BLVRA: variants seen among roughly 807,000 people sequenced by gnomAD.
BLVRA encodes the protein BVR A.
A neutral mutation model predicts 32.8 loss-of-function variants in BLVRA; 22 were observed. That is an observed-to-expected ratio of 0.67 (90% CI 0.48 to 0.96). The LOEUF (loss-of-function observed/expected upper bound fraction) is 0.96, where lower values mean the gene tolerates loss of function less well. Ranked by LOEUF, BLVRA falls within the 40% of genes least tolerant of loss-of-function variation. The pLI is 0.00. For synonymous variants in BLVRA, 119 were observed against 141.3 expected (o/e 0.84, Z 1.12); for missense variants, 323 against 358.1 (o/e 0.90, Z 0.79).
intron 5 of BLVRA, among the ~76,000 whole-genome samples, chr7:43,793,769 G>A (rs1177700500): frequency 2.0e-5 from 3 of 151,574 alleles, no homozygotes; most frequent in Admixed American, 6.6e-5. Flanking sequence ...GATTACAGGC[G>A]CCCACCACCA....
At chr7:43,798,061 G>A (rs561866548) in intron 5 of BLVRA, among the ~76,000 whole-genome samples, 1 of 151,846 alleles carries the variant, frequency 6.6e-6, no homozygotes, top group Admixed American at 6.6e-5. Flanking sequence ...CAGGCATGAT[G>A]TGGGCACCTG....
At chr7:43,801,147 G>A (rs1194573568) in intron 6 of BLVRA, among the ~76,000 whole-genome samples, 1 of 152,056 alleles carries the variant, frequency 6.6e-6, no homozygotes, top group Admixed American at 6.6e-5. Flanking sequence ...ACACAGATGT[G>A]CGCCACAATA....
intron 4 of BLVRA, among the ~76,000 whole-genome samples, chr7:43,792,297 T>A (rs2095787022): frequency 1.3e-5 from 2 of 152,246 alleles, no homozygotes; most frequent in Admixed American, 1.3e-4. Context: ...CTGCTCATAC[T>A]TTGAGACCCA....
chr7:43,773,262 A>G (rs1037570745), intron 2 of BLVRA, among the ~76,000 whole-genome samples: 1 of 152,036 alleles, frequency 6.6e-6, no homozygotes, highest in Non-Finnish European at 1.5e-5. Context: ...AACATTAGGT[A>G]TATCTCCTAA....
intron 2 of BLVRA, among the ~76,000 whole-genome samples, chr7:43,781,616 G>A (rs533622019): frequency 1.3e-5 from 2 of 152,304 alleles, no homozygotes; most frequent in South Asian, 4.1e-4. Flanking sequence ...TGGGATTACA[G>A]GCATGAGCCA....
chr7:43,777,503 G>C (rs1283128902), intron 2 of BLVRA, among the ~76,000 whole-genome samples: 14 of 145,986 alleles, frequency 9.6e-5, no homozygotes, highest in Admixed American at 7.0e-5. Flanking sequence ...AGTTTCTGCC[G>C]AGAGATCCGC....
intron 5 of BLVRA, among the ~76,000 whole-genome samples, chr7:43,796,121 C>CAAAAA (rs371922009): frequency 8.8e-4 from 56 of 63,754 alleles, no homozygotes; most frequent in Middle Eastern, 8.1e-3. Flanking sequence ...CTCTGTCTCA[C>CAAAAA]AAAAAAAAAA....
At chr7:43,763,365 C>T (rs930820142) in intron 1 of BLVRA, among the ~76,000 whole-genome samples, 7 of 152,110 alleles carry the variant, frequency 4.6e-5, no homozygotes, top group African/African-American at 1.7e-4. Flanking sequence ...TGTTTCTTGC[C>T]TGCCGATCTC....
At chr7:43,805,461 T>C (rs1299719423) in intron 7 of BLVRA, among the ~76,000 whole-genome samples, 1 of 151,946 alleles carries the variant, frequency 6.6e-6, no homozygotes, top group Non-Finnish European at 1.5e-5. Context: ...TTTTGTATTG[T>C]TAGTAGAGAC....
At chr7:43,789,793 T>G (rs2095783208) in intron 3 of BLVRA, among the ~76,000 whole-genome samples, 1 of 152,038 alleles carries the variant, frequency 6.6e-6, no homozygotes, top group Non-Finnish European at 1.5e-5. Flanking sequence ...GCTTTTCTGG[T>G]GTATTCCTTT....
At chr7:43,778,311 A>G (rs1398257320) in intron 2 of BLVRA, among the ~76,000 whole-genome samples, 1 of 152,016 alleles carries the variant, frequency 6.6e-6, no homozygotes, top group African/African-American at 2.4e-5. Flanking sequence ...TGATGTACAG[A>G]TGGGTTTTTG....
chr7:43,770,640 C>T (rs1198106226), intron 1 of BLVRA, among the ~76,000 whole-genome samples: 1 of 152,130 alleles, frequency 6.6e-6, no homozygotes, highest in East Asian at 1.9e-4. Flanking sequence ...CTGTTTGCCC[C>T]CTCCTTCGTC....
intron 2 of BLVRA, among the ~76,000 whole-genome samples, chr7:43,777,510 C>T (rs1021547484): frequency 6.6e-6 from 1 of 152,200 alleles, no homozygotes; most frequent in Non-Finnish European, 1.5e-5. Context: ...GCCGAGAGAT[C>T]CGCTGTTAGT....
chr7:43,779,228 T>G (rs553315667), intron 2 of BLVRA, among the ~76,000 whole-genome samples: 194 of 152,366 alleles, frequency 1.3e-3, no homozygotes, highest in African/African-American at 4.5e-3. Context: ...ACCCGTCTTC[T>G]GCGTTGCTCA....
At position 43,787,814 on chromosome 7, in the gene BLVRA, C is replaced by T; in HGVS notation, c.13-90C>T. ...GTTTTGGGCTGGCTTCCATCTTGCT[C>T]GTCGGGACCCTGCCAGCTCCTTTGT... On this transcript the variant is annotated intron_variant, in intron 2 of 7. Coordinates refer to ENST00000265523, the MANE Select transcript of BLVRA (RefSeq NM_000712.4). The surrounding 1 kb of genome is among the most constrained non-coding windows in gnomAD (Gnocchi z 4.5). 2.5e-6 allele frequency: 4 copies of T among 1,603,296 alleles called. No individual in the cohort carries two copies. The highest frequency in any genetic ancestry group is 2.6e-6 in the Non-Finnish European group (3 of 1,170,578).
intron 6 of BLVRA, 134 bp downstream of exon 6, chr7:43,800,706 A>G: frequency 1.2e-6 from 1 of 805,658 alleles, no homozygotes; most frequent in Non-Finnish European, 2.1e-6. Flanking sequence ...TAATTTTCCC[A>G]GATGGGATTT....
At chr7:43,765,209 C>G (rs1198970686) in intron 1 of BLVRA, among the ~76,000 whole-genome samples, 1 of 152,188 alleles carries the variant, frequency 6.6e-6, no homozygotes, top group African/African-American at 2.4e-5. Flanking sequence ...TGTTATTTGT[C>G]ATTATGCAAT....
At chr7:43,774,444 G>A (rs1186956250) in intron 2 of BLVRA, among the ~76,000 whole-genome samples, 1 of 152,146 alleles carries the variant, frequency 6.6e-6, no homozygotes, top group Non-Finnish European at 1.5e-5. Context: ...AGATCAGATA[G>A]TTGTAGATAT....
In BLVRA at chr7:43,791,237, A is replaced by G. The variant is rs1466031435; in HGVS notation, c.135-12A>G. The G allele has an allele frequency of 5.0e-6, 8 of 1,613,798 alleles. No homozygotes were observed. The highest frequency in any genetic ancestry group is 6.8e-6 in the Non-Finnish European group (8 of 1,179,982). On this transcript the variant is annotated splice_polypyrimidine_tract_variant and intron_variant, in intron 3 of 7. Transcript: ENST00000265523. ...TACCATTGAGTTCCATTTCTCTGTT[A>G]CTCTGAAATAGAAGGGAGCTCGGGA...
Sources: gnomAD v4.1 joint callset for allele counts (sites outside exome capture counted in the v4.1 genomes callset) on GRCh38, gnomAD v4.1.1 for gene constraint, Gnocchi (gnomAD v3.1) non-coding constraint, MANE v1.5 for transcripts, NCBI Gene and HGNC (gene_info 2026-07-23, HGNC 2026-07-21) for gene names.